Variants in CCDC7 observed in about 807,000 individuals in gnomAD.
CCDC7 encodes the protein coiled-coil domain containing 7.
A neutral mutation model predicts 196.9 loss-of-function variants in CCDC7; 183 were observed. The observed-to-expected ratio is 0.93, with a 90% confidence interval of 0.82 to 1.05. The LOEUF is 1.05. Among genes scored for constraint, CCDC7 ranks in the 50% least tolerant of loss-of-function variants. CCDC7 has a pLI of 0.00. For missense variants in CCDC7, 1,540 were observed against 1,482.2 expected (o/e 1.04, Z -0.64); for synonymous variants, 525 against 484.6 (o/e 1.08, Z -1.10).
At chr10:32,861,474 A>G (rs926433913) in intron 41 of CCDC7, among the ~76,000 whole-genome samples, 2 of 152,236 alleles carry the variant, frequency 1.3e-5, no homozygotes, top group Non-Finnish European at 2.9e-5. Context: ...AAACCCTAGA[A>G]GAAAACCTAG....
At chr10:32,504,100 T>C (rs2044478413) in intron 9 of CCDC7, among the ~76,000 whole-genome samples, 1 of 150,460 alleles carries the variant, frequency 6.6e-6, no homozygotes, top group Admixed American at 6.6e-5. Flanking sequence ...TTCTAGTCTC[T>C]ATTATTTATT....
At position 32,634,289 on chromosome 10, in the gene CCDC7, G is replaced by T; in HGVS notation, c.1837G>T (p.Glu613Ter). Residue 613 changes from glutamate to a stop codon, truncating the protein, a stop_gained, in exon 19 of 42, where the codon GAA becomes TAA. Transcript: ENST00000639629. LOFTEE classifies it high-confidence loss of function. ...AGTTCCAGATGAAAATCTTATGGTTGAAAATAAAGATTCAGTAACAAAAGT... is the reference window on the plus strand; with the variant it reads ...AGTTCCAGATGAAAATCTTATGGTTTAAAATAAAGATTCAGTAACAAAAGT... 1 of 1,219,394 alleles carries T rather than the reference G, an allele frequency of 8.2e-7. No individual in the cohort carries two copies. 75.5% of individuals were successfully genotyped at this position (1,219,394 alleles called of 1,614,324 possible).
intron 28 of CCDC7, among the ~76,000 whole-genome samples, chr10:32,777,615 G>A (rs1485575506): frequency 6.6e-6 from 1 of 152,042 alleles, no homozygotes; most frequent in Non-Finnish European, 1.5e-5. Context: ...CCAGCACTTT[G>A]GGAGGCCAAG....
At chr10:32,761,389 A>T (rs955671) in intron 28 of CCDC7, among the ~76,000 whole-genome samples, 21,020 of 152,014 alleles carry the variant, frequency 0.14, 1,761 homozygotes, top group East Asian at 0.25. Context: ...TCACCACTGG[A>T]TACTCCTAAT....
chr10:32,544,426 C>CTGTG, intron 13 of CCDC7, 125 bp downstream of exon 14: 1 of 874,300 alleles, frequency 1.1e-6, no homozygotes, highest in Non-Finnish European at 1.6e-6. Flanking sequence ...GTATGTGTCT[C>CTGTG]TGTGTGTGTG....
chr10:32,631,518 G>A (rs2139474502), intron 18 of CCDC7, among the ~76,000 whole-genome samples: 1 of 152,078 alleles, frequency 6.6e-6, no homozygotes, highest in Non-Finnish European at 1.5e-5. Flanking sequence ...ATATGCCTTT[G>A]CTTATGCCAG....
At chr10:32,759,275 C>T (rs537690124) in intron 28 of CCDC7, among the ~76,000 whole-genome samples, 32 of 152,132 alleles carry the variant, frequency 2.1e-4, no homozygotes, top group African/African-American at 1.4e-4. Flanking sequence ...AAAAAGAGCC[C>T]GCATTGCCAA....
chr10:32,636,377 C>A (rs995745362), intron 20 of CCDC7, among the ~76,000 whole-genome samples: 2 of 152,134 alleles, frequency 1.3e-5, no homozygotes, highest in Non-Finnish European at 1.5e-5. Context: ...TATCCCTCCC[C>A]CTACCCCCAC....
chr10:32,497,034 G>A (rs1278826317), intron 9 of CCDC7, among the ~76,000 whole-genome samples: 2 of 152,064 alleles, frequency 1.3e-5, no homozygotes, highest in African/African-American at 4.8e-5. Flanking sequence ...ACTTTTTTTG[G>A]TTGGCAGGCT....
rs199976127 is a variant in CCDC7, at chr10:32,509,794, A to T, written c.873-8151A>T. Among the ~76,000 whole-genome samples the T allele has an allele frequency of 5.3e-5, 8 of 152,348 alleles. No individual in the cohort carries two copies. The East Asian group carries it at 1.5e-3, about 29-fold the overall frequency. On this transcript the variant is annotated intron_variant, in intron 9 of 41. Transcript: ENST00000639629. ...ATGGGTATGGGAAAAGGTACTTTAT[A>T]TCACCAATCATCAGAGAAATGTAAA...
At chr10:32,586,785 G>A (rs1422007708) in intron 18 of CCDC7, among the ~76,000 whole-genome samples, 1 of 152,122 alleles carries the variant, frequency 6.6e-6, no homozygotes, top group East Asian at 1.9e-4. Context: ...TAGCCTTGTA[G>A]TATAGTTTGA....
intron 21 of CCDC7, among the ~76,000 whole-genome samples, chr10:32,677,141 C>T (rs1024073587): frequency 1.4e-5 from 2 of 142,586 alleles, no homozygotes; most frequent in African/African-American, 5.3e-5. Flanking sequence ...CGCATGTTCT[C>T]ACTCATAGGT....
chr10:32,607,112 T>C (rs1338308863), intron 18 of CCDC7, among the ~76,000 whole-genome samples: 1 of 152,138 alleles, frequency 6.6e-6, no homozygotes, highest in African/African-American at 2.4e-5. Context: ...TTTAAAAGTA[T>C]GTGGCATCTC....
intron 8 of CCDC7, among the ~76,000 whole-genome samples, chr10:32,475,092 A>T (rs576651971): frequency 2.0e-5 from 3 of 152,298 alleles, no homozygotes; most frequent in African/African-American, 7.2e-5. Flanking sequence ...GTATACATCG[A>T]GGGGAATCCT....
At chr10:32,639,982 A>T (rs541028106) in intron 20 of CCDC7, among the ~76,000 whole-genome samples, 4 of 152,240 alleles carry the variant, frequency 2.6e-5, no homozygotes, top group African/African-American at 9.6e-5. Context: ...GTTTTGGAAT[A>T]AGTGTGGTGT....
chr10:32,667,010 T>C (rs1243075457), intron 21 of CCDC7, among the ~76,000 whole-genome samples: 5 of 152,174 alleles, frequency 3.3e-5, no homozygotes, highest in Non-Finnish European at 1.5e-5. Flanking sequence ...AAAGCGTTCC[T>C]ATTTCTCCAC....
At chr10:32,848,529 G>A in intron 38 of CCDC7, 67 bp from the exon 40 acceptor site, 1 of 1,144,658 alleles carries the variant, frequency 8.7e-7, no homozygotes, top group Non-Finnish European at 1.3e-6. Flanking sequence ...CAAATACGTG[G>A]AGATGGGATT....
At chr10:32,788,039 T>A (rs1165169161) in intron 29 of CCDC7, among the ~76,000 whole-genome samples, 1 of 152,142 alleles carries the variant, frequency 6.6e-6, no homozygotes, top group Non-Finnish European at 1.5e-5. Flanking sequence ...AGGCTGGAAT[T>A]TGCAGCCCTA....
rs373654147 is a variant in CCDC7, at chr10:32,459,258, C to G, written c.456+2924C>G. Among the ~76,000 whole-genome samples the G allele has an allele frequency of 1.8e-4, 28 of 152,242 alleles. No homozygotes were observed. The East Asian group carries it at 4.8e-3, about 26-fold the overall frequency. Reference sequence around the variant, plus strand: ...ACAGGGACACTTTTGAGGCCCTCCACTTAGTTGCTTTTCTTCCCTAGGAGA... The same window carrying G: ...ACAGGGACACTTTTGAGGCCCTCCAGTTAGTTGCTTTTCTTCCCTAGGAGA... On this transcript the variant is annotated intron_variant, in intron 3 of 41. Coordinates refer to ENST00000639629, the Ensembl canonical transcript of CCDC7.
Sources: allele counts gnomAD v4.1 joint callset (sites outside exome capture counted in the v4.1 genomes callset), GRCh38; gene constraint gnomAD v4.1.1; transcripts MANE v1.5; gene names NCBI Gene and HGNC (gene_info 2026-07-23, HGNC 2026-07-21).